The following DDX46 variants were observed in gnomAD, a reference collection of about 807,000 sequenced individuals.
DDX46 encodes the protein probable ATP-dependent RNA helicase DDX46.
Under a neutral mutation model 134.9 loss-of-function variants are expected in DDX46, and 30 were observed. That is an observed-to-expected ratio of 0.22 (90% CI 0.17 to 0.30). The LOEUF is 0.30. DDX46 is among the 10% of genes least tolerant of loss of function. The pLI is 1.00. For synonymous variants in DDX46, 415 were observed against 404.1 expected (o/e 1.03, Z -0.32); for missense variants, 622 against 1,248.7 (o/e 0.50, Z 7.56).
chr5:134,819,141 C>A, intron 21 of DDX46, 137 bp downstream of exon 21: 1 of 882,844 alleles, frequency 1.1e-6, no homozygotes, highest in Non-Finnish European at 1.6e-6. Context: ...AATCTTATGA[C>A]ATTTGAGGTC....
intron 13 of DDX46, among the ~76,000 whole-genome samples, chr5:134,792,140 G>A (rs1200795942): frequency 1.3e-5 from 2 of 152,034 alleles, no homozygotes; most frequent in African/African-American, 4.8e-5. Context: ...TCGCATTACT[G>A]TACTTAAGCC....
At chr5:134,798,395 G>A (rs925218318) in intron 15 of DDX46, among the ~76,000 whole-genome samples, 1 of 151,986 alleles carries the variant, frequency 6.6e-6, no homozygotes, top group Non-Finnish European at 1.5e-5. Context: ...TAGAGACAGG[G>A]TTACGCCATG....
At chr5:134,783,105 T>C (rs1281442021) in intron 9 of DDX46, 40 bp downstream of exon 9, 1 of 1,605,456 alleles carries the variant, frequency 6.2e-7, no homozygotes, top group Non-Finnish European at 8.5e-7. Flanking sequence ...CGTGTCTTGC[T>C]GCTCAAAATA....
intron 22 of DDX46, among the ~76,000 whole-genome samples, chr5:134,827,260 A>ATT (rs1360322094): frequency 6.6e-6 from 1 of 150,534 alleles, no homozygotes; most frequent in African/African-American, 2.4e-5. Flanking sequence ...CATACCTTGA[A>ATT]TTTTTTTTCT....
chr5:134,807,067 T>TG (rs1377467302), intron 15 of DDX46, among the ~76,000 whole-genome samples: 1 of 150,932 alleles, frequency 6.6e-6, no homozygotes, highest in African/African-American at 2.4e-5. Context: ...TTTTTTTTTT[T>TG]CCCCGAGACA....
rs534177141 is a variant in DDX46 at position 134,772,411 on chromosome 5, A to T, written c.448-1285A>T. The stretch of plus-strand genomic sequence containing the variant: ...GTTGTATGTGCCTGTAATCCCAGCT[A>T]CTCGGGAGGCTGAGATAGGAGAATG... On this transcript the variant is annotated intron_variant, in intron 4 of 22. Coordinates refer to ENST00000452510, the MANE Select transcript of DDX46 (RefSeq NM_001300860.2). Among the ~76,000 whole-genome samples the T allele has an allele frequency of 3.3e-5, 5 of 151,792 alleles. No individual in the cohort carries two copies. In the South Asian group the frequency reaches 1.0e-3, roughly 32 times the overall value.
At chr5:134,810,979 C>A (rs1013485153) in intron 16 of DDX46, among the ~76,000 whole-genome samples, 1 of 152,064 alleles carries the variant, frequency 6.6e-6, no homozygotes, top group Non-Finnish European at 1.5e-5. Flanking sequence ...GCACTCCAGC[C>A]TGGGCAACAG....
intron 4 of DDX46, among the ~76,000 whole-genome samples, chr5:134,771,241 T>C (rs1038312903): frequency 6.6e-6 from 1 of 151,680 alleles, no homozygotes; most frequent in Non-Finnish European, 1.5e-5. Context: ...ACTATAGGCA[T>C]GCGCCACCAT....
intron 21 of DDX46, among the ~76,000 whole-genome samples, chr5:134,825,209 A>C (rs531820429): frequency 2.2e-4 from 34 of 152,186 alleles, no homozygotes; most frequent in African/African-American, 7.9e-4. Flanking sequence ...CTTCACACCA[A>C]CTCATACCAA....
chr5:134,797,190 A>AAAC (rs1561865698), intron 15 of DDX46: 5 of 296,324 alleles, frequency 1.7e-5, no homozygotes, highest in Non-Finnish European at 3.2e-5. Context: ...AAAAAAAAAA[A>AAAC]AAAAAAACAC....
Position 134,811,251 on chromosome 5 carries a change from C to T in DDX46, c.2179C>T (p.Gln727Ter). 1 of 1,613,998 alleles carries T rather than the reference C, an allele frequency of 6.2e-7. No individual in the cohort carries two copies. The highest frequency in any genetic ancestry group is 8.5e-7 in the Non-Finnish European group (1 of 1,179,976). Residue 727 changes from glutamine to a stop codon, truncating the protein, a stop_gained, in exon 17 of 23, where the codon CAA becomes TAA. Transcript: ENST00000452510. LOFTEE classifies it high-confidence loss of function. ...TGCTTATACTTTTATCACAGAGGAT[C>T]AAGCTCGCTATGCTGGTGACATAAT... ...GYAYTFITED[Q>*]ARYAGDIIKA...
chr5:134,784,908 A>G (rs1754282956), intron 10 of DDX46, among the ~76,000 whole-genome samples: 3 of 152,240 alleles, frequency 2.0e-5, no homozygotes, highest in Non-Finnish European at 4.4e-5. Flanking sequence ...ATATTTTCCT[A>G]GGTAGTTTTT....
chr5:134,814,480 C>G (rs1158762038), intron 18 of DDX46, among the ~76,000 whole-genome samples: 2 of 152,126 alleles, frequency 1.3e-5, no homozygotes, highest in Non-Finnish European at 2.9e-5. Flanking sequence ...TATACTTCCC[C>G]CTTTCCTGAT....
At chr5:134,768,190 A>G (rs934127644) in intron 3 of DDX46, among the ~76,000 whole-genome samples, 2 of 151,244 alleles carry the variant, frequency 1.3e-5, no homozygotes, top group Admixed American at 6.6e-5. Flanking sequence ...GCTCACTGCA[A>G]CCTTCGCCTC....
intron 18 of DDX46, 34 bp from the exon 19 acceptor site, chr5:134,816,396 T>G: frequency 6.4e-7 from 1 of 1,552,116 alleles, no homozygotes; most frequent in South Asian, 1.2e-5. Flanking sequence ...TCTAATTCAG[T>G]TTTTTACTAG....
At chr5:134,765,103 C>G (rs149434092) in intron 2 of DDX46, among the ~76,000 whole-genome samples, 7,090 of 147,942 alleles carry the variant, frequency 0.048, 216 homozygotes, top group Middle Eastern at 0.11. Context: ...GAGTCTCACT[C>G]TGTCACCCAG....
intron 3 of DDX46, among the ~76,000 whole-genome samples, chr5:134,769,285 C>G (rs1753680359): frequency 6.7e-6 from 1 of 148,448 alleles, no homozygotes; most frequent in Admixed American, 6.7e-5. Flanking sequence ...TAATGCTTCC[C>G]ATTAGTGTCA....
At chr5:134,805,412 C>T (rs1161087015) in intron 15 of DDX46, among the ~76,000 whole-genome samples, 3 of 152,038 alleles carry the variant, frequency 2.0e-5, no homozygotes, top group Non-Finnish European at 2.9e-5. Context: ...GTAATCCGCC[C>T]GCCTCGGCCT....
At chr5:134,796,198 C>G in intron 15 of DDX46, 48 bp downstream of exon 15, 7 of 1,586,818 alleles carry the variant, frequency 4.4e-6, no homozygotes, top group Non-Finnish European at 6.0e-6. Flanking sequence ...AAGTACTTGC[C>G]AAGCATTGTG....
Sources: gnomAD v4.1 joint callset for allele counts (sites outside exome capture counted in the v4.1 genomes callset) on GRCh38, gnomAD v4.1.1 for gene constraint, MANE v1.5 for transcripts, NCBI Gene and HGNC (gene_info 2026-07-23, HGNC 2026-07-21) for gene names.